CCSER1: variants seen among roughly 807,000 people sequenced by gnomAD.
The protein encoded by CCSER1 is coiled-coil serine rich protein 1, also known as serine-rich coiled-coil domain-containing protein 1.
CCSER1 carries 41 observed loss-of-function variants against 82.0 expected under a neutral mutation model. The observed-to-expected ratio is 0.50, with a 90% CI of 0.39 to 0.65. The LOEUF is 0.65. Ranked by LOEUF, CCSER1 falls within the 30% of genes least tolerant of loss-of-function variation. CCSER1 has a pLI of 0.00. For missense variants in CCSER1, 1,119 were observed against 1,064.2 expected (o/e 1.05, Z -0.72); for synonymous variants, 414 against 383.9 (o/e 1.08, Z -0.92).
chr4:90,173,055 C>T (rs937020431), intron 1 of CCSER1, among the ~76,000 whole-genome samples: 1 of 151,700 alleles, frequency 6.6e-6, no homozygotes, highest in East Asian at 1.9e-4. Context: ...TTTTTTCATG[C>T]TGAACTTGAG....
At chr4:90,399,893 A>G (rs1752561808) in intron 3 of CCSER1, 143 bp from the exon 4 acceptor site, 1 of 495,594 alleles carries the variant, frequency 2.0e-6, no homozygotes, top group Non-Finnish European at 3.7e-6. Context: ...TAAAGCCCAT[A>G]GGTGTCAAAT....
chr4:91,136,437 T>A (rs543902878), intron 10 of CCSER1, among the ~76,000 whole-genome samples: 53 of 152,314 alleles, frequency 3.5e-4, no homozygotes, highest in African/African-American at 1.3e-3. Flanking sequence ...CATCAACCTG[T>A]GAGCATCTGT....
intron 9 of CCSER1, among the ~76,000 whole-genome samples, chr4:90,930,646 C>T (rs1217488280): frequency 6.6e-6 from 1 of 151,250 alleles, no homozygotes; most frequent in East Asian, 1.9e-4. Flanking sequence ...AAAAAAAGTC[C>T]TTACAGAAAG....
At chr4:90,961,631 G>A (rs1003357144) in intron 9 of CCSER1, among the ~76,000 whole-genome samples, 5 of 151,818 alleles carry the variant, frequency 3.3e-5, no homozygotes, top group Admixed American at 6.6e-5. Context: ...TACAAATTTG[G>A]CTTACAAATA....
At chr4:91,025,672 T>C (rs1740428165) in intron 9 of CCSER1, among the ~76,000 whole-genome samples, 1 of 152,134 alleles carries the variant, frequency 6.6e-6, no homozygotes, top group African/African-American at 2.4e-5. Context: ...CAGGATGTTT[T>C]GCAGAGAGAA....
intron 5 of CCSER1, among the ~76,000 whole-genome samples, chr4:90,504,313 C>T (rs1161309924): frequency 6.6e-6 from 1 of 152,134 alleles, no homozygotes; most frequent in African/African-American, 2.4e-5. Context: ...ACTCTGTAGA[C>T]ACAATATATA....
intron 10 of CCSER1, among the ~76,000 whole-genome samples, chr4:91,338,656 G>A (rs1232471745): frequency 6.6e-6 from 1 of 152,086 alleles, no homozygotes; most frequent in East Asian, 1.9e-4. Flanking sequence ...AAATTTCCAA[G>A]TGACAACATT....
At chr4:90,644,710 G>T (rs1219550376) in intron 6 of CCSER1, among the ~76,000 whole-genome samples, 1 of 151,790 alleles carries the variant, frequency 6.6e-6, no homozygotes, top group East Asian at 1.9e-4. Context: ...TAAGCGAGAA[G>T]ACGTAGTGTT....
chr4:91,514,268 G>A (rs569843899), intron 10 of CCSER1, among the ~76,000 whole-genome samples: 10 of 152,090 alleles, frequency 6.6e-5, no homozygotes, highest in African/African-American at 2.4e-4. Context: ...TGTGGTTTTG[G>A]GAAATTTTCT....
intron 10 of CCSER1, among the ~76,000 whole-genome samples, chr4:91,088,455 G>C (rs1006960189): frequency 2.0e-5 from 3 of 152,098 alleles, no homozygotes; most frequent in Non-Finnish European, 4.4e-5. Context: ...TGCCAGACAG[G>C]AAGGCTAGAT....
At chr4:90,695,273 C>T (rs1010774562) in intron 6 of CCSER1, among the ~76,000 whole-genome samples, 15 of 151,668 alleles carry the variant, frequency 9.9e-5, no homozygotes, top group African/African-American at 3.1e-4. Context: ...TGATAGATTT[C>T]GTGACTTGGG....
At chr4:91,004,546 A>G (rs369110913) in intron 9 of CCSER1, among the ~76,000 whole-genome samples, 75 of 152,350 alleles carry the variant, frequency 4.9e-4, no homozygotes, top group Non-Finnish European at 4.7e-4. Flanking sequence ...CTTGAGTTCT[A>G]TGTGCATGGC....
rs1198981641 is a variant in CCSER1, at chr4:91,490,898, ATATATATATATATATATATATATATATAT to A, written c.2218-107673_2218-107645del. ...CATATATATATATATATATATATAT[ATATATATATATATATATATATATATATAT>A]AAAATATGCGTCTACTATGTACCCA... is the stretch of plus-strand genomic sequence containing the variant. On this transcript the variant is annotated intron_variant, in intron 10 of 10. Coordinates refer to ENST00000509176, the MANE Select transcript of CCSER1 (RefSeq NM_001145065.2). Among the ~76,000 whole-genome samples, 43 of 69,430 alleles carry A rather than the reference ATATATATATATATATATATATATATATAT, an allele frequency of 6.2e-4. 2 individuals carry two copies. The highest frequency in any genetic ancestry group is 2.6e-3 in the African/African-American group (41 of 15,658). 45.5% of individuals were successfully genotyped at this position (69,430 alleles called of 152,430 possible). A position where few individuals can be genotyped will look rare whatever the true frequency, so the allele number is the denominator to read the frequency against.
rs562019628 is a variant in CCSER1, at chr4:90,451,896, C to T, written c.1604-16338C>T. Among the ~76,000 whole-genome samples, 36 of 152,234 alleles carry T rather than the reference C, an allele frequency of 2.4e-4. 1 individual carries two copies. The South Asian group carries it at 6.6e-3, about 28-fold the overall frequency. On this transcript the variant is annotated intron_variant, in intron 4 of 10. Transcript: ENST00000509176. The stretch of plus-strand genomic sequence containing the variant: ...CCATGAATAATAATCTGTTAATTTC[C>T]TGATGACACTTAATGAGAGACCCAT...
intron 5 of CCSER1, among the ~76,000 whole-genome samples, chr4:90,535,918 G>A (rs1775262162): frequency 6.6e-6 from 1 of 151,944 alleles, no homozygotes; most frequent in Non-Finnish European, 1.5e-5. Context: ...AGGAGATGGA[G>A]ACTGTAGTTA....
rs144000274 is a variant in CCSER1, at chr4:90,717,323, A to G, written c.1933-6591A>G. On this transcript the variant is annotated intron_variant, in intron 6 of 10. Coordinates refer to ENST00000509176, the MANE Select transcript of CCSER1 (RefSeq NM_001145065.2). Reference sequence around the variant, plus strand: ...AAATGAACTGGATGCTAGGAAGGCAAAAACAGCAGCTATAAACTCTAAGAA... The same window carrying G: ...AAATGAACTGGATGCTAGGAAGGCAGAAACAGCAGCTATAAACTCTAAGAA... Among the ~76,000 whole-genome samples the G allele has an allele frequency of 2.3e-3, 353 of 152,300 alleles. 1 individual carries two copies. Among genetic ancestry groups the G allele is most frequent in the African/African-American group, 7.9e-3 (327 of 41,570 alleles).
chr4:91,015,288 A>G (rs1267930388), intron 9 of CCSER1: 2 of 152,116 alleles, frequency 1.3e-5, no homozygotes, highest in African/African-American at 2.4e-5. Flanking sequence ...AAAGTAATAC[A>G]TAATGAAAAA....
At chr4:90,323,672 A>T (rs998982454) in intron 3 of CCSER1, among the ~76,000 whole-genome samples, 20 of 151,336 alleles carry the variant, frequency 1.3e-4, no homozygotes, top group Admixed American at 2.6e-4. Context: ...TTTTTTTTTT[A>T]AATTTTATTA....
In CCSER1 at chr4:90,241,694, T is replaced by TA. The variant is rs930766716; in HGVS notation, c.-41-66543dup. 9.2e-4 allele frequency among the ~76,000 whole-genome samples: 140 copies of TA among 152,276 alleles called. 3 individuals are homozygous for TA. Among genetic ancestry groups the TA allele is most frequent in the African/African-American group, 3.2e-3 (133 of 41,566 alleles). ...AAAGAAGGAAAGGGATACACGTGGTTAAAAAAATGCCAACATGAATAAATC... is the reference window on the plus strand; with the variant it reads ...AAAGAAGGAAAGGGATACACGTGGTTAAAAAAAATGCCAACATGAATAAATC... On this transcript the variant is annotated intron_variant, in intron 1 of 10. Transcript: ENST00000509176.
Sources: gnomAD v4.1 joint callset for allele counts (sites outside exome capture counted in the v4.1 genomes callset) on GRCh38, gnomAD v4.1.1 for gene constraint, MANE v1.5 for transcripts, NCBI Gene and HGNC (gene_info 2026-07-23, HGNC 2026-07-21) for gene names.